The following PDE1A variants were observed in gnomAD, a reference collection of about 807,000 sequenced individuals.
The protein encoded by PDE1A is dual specificity calcium/calmodulin-dependent 3',5'-cyclic nucleotide phosphodiesterase 1A.
In PDE1A, 35 loss-of-function variants were observed where a neutral mutation model predicts 61.7. That is an observed-to-expected ratio of 0.57 (90% confidence interval 0.43 to 0.75). The LOEUF (loss-of-function observed/expected upper bound fraction) is 0.75, where lower values mean the gene tolerates loss of function less well. Among genes scored for constraint, PDE1A ranks in the 30% least tolerant of loss-of-function variants. The probability of loss-of-function intolerance (pLI) is 0.00; values close to 1 mark genes in which losing one functional copy is unlikely to be tolerated. For synonymous variants in PDE1A, 232 were observed against 213.2 expected, an observed-to-expected ratio of 1.09 and a Z score of -0.77; for missense variants, 597 against 630.6, an observed-to-expected ratio of 0.95 and a Z score of 0.57.
At chr2:182,580,684 C>T in the PDE1A span, among the ~76,000 whole-genome samples, 1 of 152,132 alleles carries the variant, frequency 6.6e-6, no homozygotes, top group Non-Finnish European at 1.5e-5. Flanking sequence ...CTTAGTGCCA[C>T]TGTAAGTACC....
intron 2 of PDE1A, among the ~76,000 whole-genome samples, chr2:182,251,616 G>A (rs983110675): frequency 6.6e-6 from 1 of 152,304 alleles, no homozygotes; most frequent in African/African-American, 2.4e-5. Flanking sequence ...TAAGGTTTGA[G>A]AACACTGTTC....
At chr2:182,588,222 G>A in the PDE1A span, among the ~76,000 whole-genome samples, 92 of 152,266 alleles carry the variant, frequency 6.0e-4, no homozygotes, top group African/African-American at 1.7e-3. Flanking sequence ...AAAAGAGAGC[G>A]CTGGGTAAAA....
chr2:182,186,474 G>C, exon 12 of PDE1A: 1 of 1,611,692 alleles, frequency 6.2e-7, no homozygotes, highest in East Asian at 2.2e-5. Flanking sequence ...ATACCTGCTT[G>C]CCACATAGGA....
chr2:182,331,665 G>T (rs1697419437), intron 1 of PDE1A, among the ~76,000 whole-genome samples: 1 of 152,178 alleles, frequency 6.6e-6, no homozygotes, highest in Non-Finnish European at 1.5e-5. Flanking sequence ...TAAGAATGTT[G>T]AATATTGTCA....
Position 182,264,372 on chromosome 2 carries a change from G to T in PDE1A, c.96C>A (p.Asn32Lys), listed in dbSNP as rs748114714. 3.1e-6 allele frequency: 5 copies of T among 1,613,566 alleles called. No homozygotes were observed. In the South Asian group the frequency reaches 3.3e-5, roughly 11 times the overall value. Reference sequence around the variant, plus strand: ...CAATATTCTTCTTTAAGTCGACGACGTTAACATCACCTCTTTCCAGCTGCT... The same window carrying T: ...CAATATTCTTCTTTAAGTCGACGACTTTAACATCACCTCTTTCCAGCTGCT... Residue 32 changes from asparagine to lysine, a missense_variant, in exon 2 of 14, where the codon AAC becomes AAA. Asn to Lys is a moderately conservative substitution (Grantham distance 94, BLOSUM62 0). Coordinates refer to ENST00000351439, the Ensembl canonical transcript of PDE1A.
Position 182,260,886 on chromosome 2 carries a change from G to A in PDE1A, c.167+3415C>T, listed in dbSNP as rs112902516. ...TTGCACTTCATAGCCCAAGCCCTAG[G>A]GTCAGACTGCCAAGGCCCTAATCCA... On this transcript the variant is annotated intron_variant, in intron 2 of 13. Transcript: ENST00000351439. Among the ~76,000 whole-genome samples, 1,392 of 152,128 alleles carry A rather than the reference G, an allele frequency of 9.2e-3. 19 individuals carry two copies. The highest frequency in any genetic ancestry group is 0.031 in the African/African-American group (1,288 of 41,510).
rs1700994282 is a variant in PDE1A, at chr2:182,385,640, G to GAAGAAGAAAGAAAGAAAGA, written c.53+40937_53+40938insTCTTTCTTTCTTTCTTCTT. Among the ~76,000 whole-genome samples, 23 of 70,486 alleles carry GAAGAAGAAAGAAAGAAAGA rather than the reference G, an allele frequency of 3.3e-4. 2 individuals carry two copies. The highest frequency in any genetic ancestry group is 1.1e-3 in the East Asian group (2 of 1,836). The allele number at this position is 70,486 out of a possible 152,430, so 46.2% of individuals were successfully genotyped here. On this transcript the variant is annotated intron_variant, in intron 1 of 13. Transcript: ENST00000351439. ...GAAACAGAAAGAAAGAAAGAAAGAA[G>GAAGAAGAAAGAAAGAAAGA]AAGAAAGAAAGAAAGAAAGAAGAAA...
intron 7 of PDE1A, among the ~76,000 whole-genome samples, chr2:182,221,398 G>A (rs975641790): frequency 6.6e-6 from 1 of 152,080 alleles, no homozygotes; most frequent in South Asian, 2.1e-4. Context: ...CCACATCGTG[G>A]ATCCAGTGGA....
chr2:182,558,736 G>A, the PDE1A span, among the ~76,000 whole-genome samples: 1 of 152,186 alleles, frequency 6.6e-6, no homozygotes, highest in African/African-American at 2.4e-5. Flanking sequence ...TAATAAATGT[G>A]CTTTCCATTT....
At chr2:182,536,700 C>A in the PDE1A span, among the ~76,000 whole-genome samples, 2 of 152,116 alleles carry the variant, frequency 1.3e-5, no homozygotes, top group Non-Finnish European at 2.9e-5. Flanking sequence ...TCCCCTCCTC[C>A]CTTGAAGCTG....
chr2:182,220,807 TAATATAA>T (rs1189268035), intron 7 of PDE1A, among the ~76,000 whole-genome samples: 1 of 152,040 alleles, frequency 6.6e-6, no homozygotes, highest in Non-Finnish European at 1.5e-5. Context: ...TAACAATGAA[TAATATAA>T]AATAAAATAG....
intron 1 of PDE1A, among the ~76,000 whole-genome samples, chr2:182,371,676 T>G (rs1700134868): frequency 6.6e-6 from 1 of 152,346 alleles, no homozygotes; most frequent in East Asian, 1.9e-4. Flanking sequence ...TAATAACCAT[T>G]TGTTTAGGTG....
chr2:182,209,132 G>A (rs185914251), intron 7 of PDE1A, among the ~76,000 whole-genome samples: 13 of 152,240 alleles, frequency 8.5e-5, no homozygotes, highest in African/African-American at 3.1e-4. Context: ...ACATACCCAG[G>A]ACTGGGCAAT....
At chr2:182,702,957 G>C in the PDE1A span, among the ~76,000 whole-genome samples, 1 of 152,186 alleles carries the variant, frequency 6.6e-6, no homozygotes, top group African/African-American at 2.4e-5. Context: ...ATCACACAAA[G>C]TACTTTCTGA....
intron 1 of PDE1A, among the ~76,000 whole-genome samples, chr2:182,381,552 G>A (rs145361561): frequency 1.0e-3 from 153 of 152,224 alleles, no homozygotes; most frequent in African/African-American, 3.5e-3. Context: ...GGTGGCTCAC[G>A]CCTATAATCC....
At chr2:182,630,289 A>T in the PDE1A span, among the ~76,000 whole-genome samples, 63 of 152,250 alleles carry the variant, frequency 4.1e-4, no homozygotes, top group Admixed American at 3.6e-3. Flanking sequence ...ATATTGTGTA[A>T]GTCAGTGATA....
At chr2:182,606,218 G>A in the PDE1A span, among the ~76,000 whole-genome samples, 1 of 151,958 alleles carries the variant, frequency 6.6e-6, no homozygotes, top group Non-Finnish European at 1.5e-5. Flanking sequence ...TCACCCTATC[G>A]CCCAGGCTGG....
chr2:182,684,438 C>T, the PDE1A span, among the ~76,000 whole-genome samples: 1 of 152,196 alleles, frequency 6.6e-6, no homozygotes, highest in Non-Finnish European at 1.5e-5. Flanking sequence ...TAGTTTATTA[C>T]TCTGCTTTGA....
At chr2:182,180,707 C>G (rs942115132) in intron 13 of PDE1A, among the ~76,000 whole-genome samples, 2 of 151,834 alleles carry the variant, frequency 1.3e-5, no homozygotes, top group African/African-American at 4.8e-5. Context: ...TTCTCCCAGT[C>G]TCTTTCAGGT....
Sources: allele counts gnomAD v4.1 joint callset (sites outside exome capture counted in the v4.1 genomes callset), GRCh38; gene constraint gnomAD v4.1.1; transcripts MANE v1.5; gene names NCBI Gene and HGNC (gene_info 2026-07-23, HGNC 2026-07-21).